Variants in AQP9 observed in about 807,000 individuals in gnomAD.
AQP9 encodes aquaporin 9, also known as aquaporin-9.
Under a neutral mutation model 23.8 loss-of-function variants are expected in AQP9, and 19 were observed. The observed-to-expected ratio is 0.80, with a 90% CI of 0.56 to 1.17. AQP9 has a LOEUF of 1.17. Among genes scored for constraint, AQP9 ranks in the 50% most tolerant of loss-of-function variants. The probability of loss-of-function intolerance (pLI) is 0.00; values close to 1 mark genes in which losing one functional copy is unlikely to be tolerated. For missense variants in AQP9, 413 were observed against 362.0 expected (o/e 1.14, Z -1.14); for synonymous variants, 153 against 131.5 (o/e 1.16, Z -1.12).
chr15:58,172,655 G>C (rs567874772), intron 2 of AQP9, among the ~76,000 whole-genome samples: 2 of 152,256 alleles, frequency 1.3e-5, no homozygotes, highest in South Asian at 4.1e-4. Flanking sequence ...GGAACTGCTA[G>C]ATATAGATTT....
At chr15:58,141,996 C>T (rs1897959848) in intron 1 of AQP9, among the ~76,000 whole-genome samples, 1 of 152,158 alleles carries the variant, frequency 6.6e-6, no homozygotes. Context: ...CAGGTACTGG[C>T]AGGAGAGCTC....
intron 2 of AQP9, among the ~76,000 whole-genome samples, chr15:58,170,863 A>G (rs1406864040): frequency 8.5e-5 from 13 of 152,214 alleles, no homozygotes; most frequent in Admixed American, 8.5e-4. Flanking sequence ...TTAAACAAAG[A>G]AATCTCCCAT....
chr15:58,151,284 T>G (rs561008132), intron 1 of AQP9: 1 of 152,232 alleles, frequency 6.6e-6, no homozygotes, highest in East Asian at 1.9e-4. Flanking sequence ...CTCCAACACA[T>G]ACAGCCTAGA....
chr15:58,165,814 A>G (rs909825921), intron 1 of AQP9, among the ~76,000 whole-genome samples: 2 of 152,224 alleles, frequency 1.3e-5, no homozygotes, highest in South Asian at 4.1e-4. Context: ...ATCATACTTC[A>G]CTGTGCAACT....
At chr15:58,171,834 G>GATCATCATCATC (rs34291701) in intron 2 of AQP9, among the ~76,000 whole-genome samples, 2 of 149,846 alleles carry the variant, frequency 1.3e-5, no homozygotes, top group African/African-American at 2.4e-5. Context: ...TTCTGTGCAG[G>GATCATCATCATC]ATCATCATCA....
At chr15:58,179,064 A>T (rs1898820446) in intron 4 of AQP9, 64 bp from the exon 5 acceptor site, 1 of 1,174,356 alleles carries the variant, frequency 8.5e-7, no homozygotes, top group South Asian at 1.3e-5. Context: ...AGAAGGGATG[A>T]TTTTGAGACA....
chr15:58,184,929 T>G lies in AQP9; in HGVS notation c.*794T>G, dbSNP rs1288707607. The G allele has an allele frequency of 8.5e-5, 13 of 152,192 alleles. No homozygotes were observed. The highest frequency in any genetic ancestry group is 8.5e-4 in the Admixed American group (13 of 15,278). The allele number at this position is 152,192 out of a possible 1,614,324, so 9.4% of individuals were successfully genotyped here. On this transcript the variant is annotated 3_prime_UTR_variant, in exon 6 of 6. Transcript: ENST00000219919. Reference sequence around the variant, plus strand: ...AAATACATCACTCTGTCTTTTTAGCTCAAATGTATTTTCCTAATTGCCCAC... The same window carrying G: ...AAATACATCACTCTGTCTTTTTAGCGCAAATGTATTTTCCTAATTGCCCAC...
intron 1 of AQP9, among the ~76,000 whole-genome samples, chr15:58,142,687 ACCTATAGGAAAGTGGG>A (rs1252371377): frequency 1.3e-5 from 2 of 152,126 alleles, no homozygotes; most frequent in East Asian, 3.8e-4. Flanking sequence ...AGAGCAAAGG[ACCTATAGGAAAGTGGG>A]CCTCAAGAGA....
chr15:58,144,919 C>A (rs1292657525), intron 1 of AQP9, among the ~76,000 whole-genome samples: 2 of 147,552 alleles, frequency 1.4e-5, no homozygotes, highest in Non-Finnish European at 3.0e-5. Context: ...GAGGCTGAGG[C>A]AGGAGAATCG....
chr15:58,173,891 C>T (rs1053215891), intron 3 of AQP9, among the ~76,000 whole-genome samples: 16 of 152,198 alleles, frequency 1.1e-4, no homozygotes, highest in African/African-American at 3.6e-4. Context: ...GTTAAAGCAG[C>T]TCCTTCCTTC....
chr15:58,178,984 A>G, intron 4 of AQP9, 144 bp from the exon 5 acceptor site: 1 of 607,356 alleles, frequency 1.6e-6, no homozygotes, highest in Non-Finnish European at 2.9e-6. Context: ...TTCACCCAGT[A>G]CATGCCAGTT....
intron 1 of AQP9, among the ~76,000 whole-genome samples, chr15:58,162,897 G>A (rs993995649): frequency 6.6e-6 from 1 of 152,172 alleles, no homozygotes; most frequent in Admixed American, 6.5e-5. Context: ...TGCCCAAATT[G>A]CTGATTCATA....
chr15:58,138,903 GAGA>G (rs1285203268), intron 1 of AQP9: 5 of 453,970 alleles, frequency 1.1e-5, no homozygotes, highest in Middle Eastern at 5.0e-4. Flanking sequence ...GGGAATGGAA[GAGA>G]AGGAGTGAGT....
At chr15:58,179,033 T>C in intron 4 of AQP9, 95 bp from the exon 5 acceptor site, 3 of 835,046 alleles carry the variant, frequency 3.6e-6, no homozygotes, top group East Asian at 2.6e-5. Context: ...AATAGTAATA[T>C]TGTAATATTG....
At chr15:58,179,701 A>G (rs1433053000) in intron 5 of AQP9, among the ~76,000 whole-genome samples, 1 of 152,192 alleles carries the variant, frequency 6.6e-6, no homozygotes, top group African/African-American at 2.4e-5. Context: ...TTGGGCTACA[A>G]TTTGCATCCT....
At chr15:58,167,516 A>T (rs1219134359) in intron 2 of AQP9, among the ~76,000 whole-genome samples, 1 of 152,142 alleles carries the variant, frequency 6.6e-6, no homozygotes, top group Non-Finnish European at 1.5e-5. Context: ...TAAATGCCAG[A>T]CTGCCTTTAT....
chr15:58,163,629 G>A (rs1019008484), intron 1 of AQP9, among the ~76,000 whole-genome samples: 1 of 152,138 alleles, frequency 6.6e-6, no homozygotes, highest in East Asian at 1.9e-4. Context: ...ATGCTTTCTA[G>A]ATAGGGAGAC....
chr15:58,167,000 G>C (rs1898522819), intron 2 of AQP9, among the ~76,000 whole-genome samples: 1 of 152,236 alleles, frequency 6.6e-6, no homozygotes, highest in African/African-American at 2.4e-5. Flanking sequence ...CATTTAACAA[G>C]AGACAGAAAT....
chr15:58,179,111 A>G lies in AQP9; in HGVS notation c.496-17A>G, dbSNP rs754266702. On this transcript the variant is annotated splice_polypyrimidine_tract_variant and intron_variant, in intron 4 of 5. Coordinates refer to ENST00000219919, the MANE Select transcript of AQP9 (RefSeq NM_020980.5). ...AGAATGCAGGCTAAAGCCCTGGCTCAACTTCTCCCTCTCCAGGTGGTGGCC... is the reference window on the plus strand; with the variant it reads ...AGAATGCAGGCTAAAGCCCTGGCTCGACTTCTCCCTCTCCAGGTGGTGGCC... 6.4e-7 allele frequency: 1 copy of G among 1,574,786 alleles called. No homozygotes were observed. The highest frequency in any genetic ancestry group is 8.7e-7 in the Non-Finnish European group (1 of 1,144,186).
Sources: gnomAD v4.1 joint callset for allele counts (sites outside exome capture counted in the v4.1 genomes callset) on GRCh38, gnomAD v4.1.1 for gene constraint, MANE v1.5 for transcripts, NCBI Gene and HGNC (gene_info 2026-07-23, HGNC 2026-07-21) for gene names.